The following CLGN variants were observed in gnomAD, a reference collection of about 807,000 sequenced individuals.
CLGN encodes the protein calmegin.
Under a neutral mutation model 79.1 loss-of-function variants are expected in CLGN, and 62 were observed. The observed-to-expected ratio is 0.78, with a 90% CI of 0.64 to 0.97. The LOEUF (loss-of-function observed/expected upper bound fraction) is 0.97. CLGN is among the 50% of genes least tolerant of loss of function. CLGN has a pLI of 0.00. For synonymous variants in CLGN, 225 were observed against 224.7 expected, an observed-to-expected ratio of 1.00 and a Z score of -0.01; for missense variants, 647 against 715.5, an observed-to-expected ratio of 0.90 and a Z score of 1.09.
chr4:140,421,220 T>A (rs1578609886), intron 1 of CLGN, among the ~76,000 whole-genome samples: 1 of 152,296 alleles, frequency 6.6e-6, no homozygotes, highest in East Asian at 1.9e-4. Flanking sequence ...ACACTTGGGT[T>A]GCTTCCACCT....
intron 1 of CLGN, among the ~76,000 whole-genome samples, chr4:140,416,190 G>A (rs367852235): frequency 2.2e-3 from 71 of 31,774 alleles, no homozygotes; most frequent in South Asian, 7.1e-3. Context: ...TCTCTGGGAC[G>A]CATTCAAAGC....
intron 13 of CLGN, among the ~76,000 whole-genome samples, chr4:140,391,887 T>C (rs778642138): frequency 2.5e-4 from 38 of 151,894 alleles, no homozygotes; most frequent in Non-Finnish European, 4.6e-4. Flanking sequence ...GGCCATGATA[T>C]ACACCCTCTA....
chr4:140,412,693 G>A (rs574015644), intron 2 of CLGN, among the ~76,000 whole-genome samples: 59 of 152,168 alleles, frequency 3.9e-4, no homozygotes, highest in Non-Finnish European at 2.9e-4. Context: ...CTCCTGTTTT[G>A]ATAGTAAAAA....
chr4:140,410,688 T>C (rs1427187653), intron 2 of CLGN, 62 bp from the exon 3 acceptor site: 17 of 1,044,484 alleles, frequency 1.6e-5, no homozygotes, highest in East Asian at 4.8e-5. Context: ...AATTAAATAA[T>C]CTTCCTAGTG....
intron 1 of CLGN, among the ~76,000 whole-genome samples, chr4:140,424,490 G>C (rs1729525923): frequency 1.3e-5 from 2 of 152,036 alleles, no homozygotes; most frequent in Admixed American, 6.5e-5. Context: ...GCTATTGTTG[G>C]GTACAGTGTT....
chr4:140,413,818 A>G (rs1434941038), intron 1 of CLGN, among the ~76,000 whole-genome samples: 1 of 152,234 alleles, frequency 6.6e-6, no homozygotes, highest in Non-Finnish European at 1.5e-5. Flanking sequence ...TTAGGTAAAC[A>G]AGGCAGCCTG....
Position 140,400,352 on chromosome 4 carries a change from T to C in CLGN, c.694+5A>G. ...TGAATACATGAATGAATTAAAAGGG[T>C]ATACCAAGGGTATAAAGATGAGTCT... On this transcript the variant is annotated splice_donor_5th_base_variant and intron_variant, in intron 7 of 14. Coordinates refer to ENST00000325617, the MANE Select transcript of CLGN (RefSeq NM_004362.3). 1 of 1,582,202 alleles carries C rather than the reference T, an allele frequency of 6.3e-7. No individual in the cohort carries two copies. The highest frequency in any genetic ancestry group is 1.1e-5 in the South Asian group (1 of 88,098).
At chr4:140,411,582 G>C (rs1014120270) in intron 2 of CLGN, among the ~76,000 whole-genome samples, 1 of 151,970 alleles carries the variant, frequency 6.6e-6, no homozygotes, top group Non-Finnish European at 1.5e-5. Context: ...TCTTCCAGTA[G>C]GCTTTAGGGA....
At chr4:140,390,186 A>G (rs931630700) in intron 14 of CLGN, among the ~76,000 whole-genome samples, 2 of 151,808 alleles carry the variant, frequency 1.3e-5, no homozygotes, top group African/African-American at 4.8e-5. Flanking sequence ...AAAATACCCT[A>G]TCAGGCAGAT....
At chr4:140,420,069 A>T (rs1729434358) in intron 1 of CLGN, among the ~76,000 whole-genome samples, 1 of 152,118 alleles carries the variant, frequency 6.6e-6, no homozygotes, top group African/African-American at 2.4e-5. Context: ...ATAACTTTAG[A>T]CCCATATCCT....
In CLGN at chr4:140,396,120, C is replaced by G; in HGVS notation, c.970G>C (p.Asp324His). The G allele has an allele frequency of 6.2e-7, 1 of 1,614,156 alleles. No individual in the cohort carries two copies. Among genetic ancestry groups the G allele is most frequent in the South Asian group, 1.1e-5 (1 of 91,086 alleles). Residue 324 changes from aspartate (D) to histidine (H), a missense_variant, in exon 9 of 15, where the codon GAT (aspartate) becomes CAT (histidine). Coordinates refer to ENST00000325617, the MANE Select transcript of CLGN (RefSeq NM_004362.3). ...WLDDEPKFIPDPNAEKPDDWN... is the reference protein window; with the variant it reads ...WLDDEPKFIPHPNAEKPDDWN... Reference sequence around the variant, plus strand: ...TCATCAGGTTTTTCAGCATTAGGATCAGGGATAAATTTTGGTTCATCATCA... The same window carrying G: ...TCATCAGGTTTTTCAGCATTAGGATGAGGGATAAATTTTGGTTCATCATCA...
intron 1 of CLGN, among the ~76,000 whole-genome samples, chr4:140,416,965 A>G (rs1220671469): frequency 6.6e-6 from 1 of 152,202 alleles, no homozygotes; most frequent in African/African-American, 2.4e-5. Flanking sequence ...AATACTGCCA[A>G]ACTGAATCCA....
chr4:140,392,737 G>A lies in CLGN; in HGVS notation c.1366-26C>T, dbSNP rs755695319. ...CTATAGACGAGATAAGCATAAAAAT[G>A]CAATTCAAATTTTACAAACCTTTAC... On this transcript the variant is annotated intron_variant, in intron 11 of 14. Transcript: ENST00000325617. 9.1e-6 allele frequency: 14 copies of A among 1,535,576 alleles called. No homozygotes were observed. The South Asian group carries it at 1.1e-4, about 12-fold the overall frequency.
At chr4:140,422,381 T>C (rs1373633828) in intron 1 of CLGN, among the ~76,000 whole-genome samples, 2 of 152,222 alleles carry the variant, frequency 1.3e-5, no homozygotes, top group African/African-American at 2.4e-5. Flanking sequence ...AGTCTTCCAA[T>C]CCCAATGAAC....
In CLGN at chr4:140,389,233, T is replaced by A. The variant is rs1728729340; in HGVS notation, c.1824A>T (p.Arg608=). ...AATATTTCAATCTAGTTTAGTCCTTTCGTACTCTTCTTTTGCGTACTGACT... is the reference window on the plus strand; with the variant it reads ...AATATTTCAATCTAGTTTAGTCCTTACGTACTCTTCTTTTGCGTACTGACT... ...PIKSVRKRRV[R]KD is the part of the protein sequence containing the mutation. The change falls in exon 15 of 15, where the codon CGA becomes CGT. Residue 608 remains arginine, a synonymous_variant. Coordinates refer to ENST00000325617, the MANE Select transcript of CLGN (RefSeq NM_004362.3). 1.2e-6 allele frequency: 2 copies of A among 1,612,250 alleles called. No homozygotes were observed. Among genetic ancestry groups the A allele is most frequent in the Non-Finnish European group, 1.7e-6 (2 of 1,178,676 alleles).
intron 13 of CLGN, 64 bp downstream of exon 13, chr4:140,392,155 G>GTATA: frequency 4.6e-6 from 7 of 1,516,964 alleles, no homozygotes; most frequent in Non-Finnish European, 6.3e-6. Context: ...GTTATTTCAA[G>GTATA]GCCATATACA....
intron 5 of CLGN, among the ~76,000 whole-genome samples, chr4:140,403,156 G>C (rs886118334): frequency 6.6e-6 from 1 of 152,120 alleles, no homozygotes; most frequent in Non-Finnish European, 1.5e-5. Flanking sequence ...TACAACAGTG[G>C]CCACAAGCAT....
intron 5 of CLGN, 93 bp downstream of exon 5, chr4:140,405,849 T>C: frequency 7.7e-7 from 1 of 1,294,078 alleles, no homozygotes; most frequent in Non-Finnish European, 1.1e-6. Context: ...AAGATCTAGA[T>C]TTTCACATCC....
intron 1 of CLGN, among the ~76,000 whole-genome samples, chr4:140,419,261 A>G (rs1175913184): frequency 1.3e-5 from 2 of 152,254 alleles, no homozygotes; most frequent in East Asian, 3.9e-4. Flanking sequence ...CTAGATAACG[A>G]GTTAGTGGGT....
Sources: allele counts gnomAD v4.1 joint callset (sites outside exome capture counted in the v4.1 genomes callset), GRCh38; gene constraint gnomAD v4.1.1; transcripts MANE v1.5; gene names NCBI Gene and HGNC (gene_info 2026-07-23, HGNC 2026-07-21).